PFKP: variants seen among roughly 807,000 people sequenced by gnomAD.
The protein encoded by PFKP is phosphofructokinase, platelet.
A neutral mutation model predicts 94.3 loss-of-function variants in PFKP; 101 were observed. The observed-to-expected ratio is 1.07, with a 90% CI of 0.91 to 1.26. The LOEUF (loss-of-function observed/expected upper bound fraction) is 1.26, where lower values mean the gene tolerates loss of function less well. Ranked by LOEUF, PFKP falls within the 50% of genes most tolerant of loss-of-function variation. The pLI, the probability that PFKP is intolerant of heterozygous loss-of-function variation, is 0.00. For synonymous variants in PFKP, 573 were observed against 432.6 expected (o/e 1.32, Z -4.03); for missense variants, 1,145 against 1,103.3 (o/e 1.04, Z -0.53).
chr10:3,083,891 C>T (rs1264159546), intron 2 of PFKP, among the ~76,000 whole-genome samples: 1 of 152,184 alleles, frequency 6.6e-6, no homozygotes, highest in Non-Finnish European at 1.5e-5. Context: ...GATCTGCCTG[C>T]CTTGGCCTCC....
At chr10:3,125,480 G>A (rs1033090233) in intron 16 of PFKP, among the ~76,000 whole-genome samples, 3 of 152,178 alleles carry the variant, frequency 2.0e-5, no homozygotes. Context: ...TTGGGATCGT[G>A]TTTCTATCCC....
rs746642921 is a variant in PFKP, at chr10:3,118,849, C to A, written c.1510C>A (p.Leu504Met). 1.2e-6 allele frequency: 2 copies of A among 1,613,076 alleles called. No individual in the cohort carries two copies. The highest frequency in any genetic ancestry group is 2.2e-5 in the South Asian group (2 of 90,916). The change falls in exon 15 of 22, where the codon CTG becomes ATG. Residue 504 changes from leucine (L) to methionine (M), a missense_variant. Physicochemically the swap from Leu to Met is conservative, Grantham distance 15. Around this residue, in one of 3 missense-constraint regions of PFKP, gnomAD observed 1,119 missense variants for 1,062.8 expected, o/e 1.05. Coordinates refer to ENST00000381125, the MANE Select transcript of PFKP (RefSeq NM_002627.5). ...GCGCACGCACAGCATCAACGCGCTGCTGATCATCGGTGGATTCGAGGTACG... is the reference window on the plus strand; with the variant it reads ...GCGCACGCACAGCATCAACGCGCTGATGATCATCGGTGGATTCGAGGTACG... Reference protein sequence around the residue: ...QMRTHSINALLIIGGFEAYLG... With the variant: ...QMRTHSINALMIIGGFEAYLG...
intron 16 of PFKP, 35 bp from the exon 17 acceptor site, chr10:3,129,784 T>C: frequency 1.2e-6 from 2 of 1,609,258 alleles, no homozygotes; most frequent in Non-Finnish European, 1.7e-6. Context: ...GCCCCGGGCC[T>C]GGGCTGGAGT....
At chr10:3,112,365 G>T in intron 11 of PFKP, 79 bp downstream of exon 11, 4 of 1,062,868 alleles carry the variant, frequency 3.8e-6, no homozygotes, top group Non-Finnish European at 1.5e-6. Flanking sequence ...GTGCTTAGGG[G>T]TTGTGCTTAT....
chr10:3,105,075 T>G (rs1425231212), intron 5 of PFKP, 40 bp from the exon 6 acceptor site: 1 of 1,604,046 alleles, frequency 6.2e-7, no homozygotes, highest in Non-Finnish European at 8.5e-7. Flanking sequence ...TTTCTCTGCT[T>G]TCTGAGCTGT....
intron 18 of PFKP, 72 bp downstream of exon 18, chr10:3,132,513 C>CTTGGGCTGGATGAT: frequency 2.7e-6 from 3 of 1,105,382 alleles, no homozygotes; most frequent in Non-Finnish European, 4.2e-6. Flanking sequence ...TAGTCTGTGA[C>CTTGGGCTGGATGAT]TTGGGCTGGA....
chr10:3,124,773 C>T (rs975880861), intron 16 of PFKP, among the ~76,000 whole-genome samples: 6 of 152,190 alleles, frequency 3.9e-5, no homozygotes, highest in Non-Finnish European at 5.9e-5. Flanking sequence ...CATGACACGC[C>T]GAGAGCTGAG....
chr10:3,122,887 G>A (rs1251295656), intron 16 of PFKP, among the ~76,000 whole-genome samples: 1 of 152,228 alleles, frequency 6.6e-6, no homozygotes, highest in East Asian at 1.9e-4. Flanking sequence ...TCTGGGGCTG[G>A]AGACAAGGGA....
intron 3 of PFKP, chr10:3,101,019 G>C: frequency 1.3e-6 from 2 of 1,595,666 alleles, no homozygotes; most frequent in Non-Finnish European, 1.7e-6. Flanking sequence ...GCTTGTCTTT[G>C]GTTCCACGTG....
intron 16 of PFKP, among the ~76,000 whole-genome samples, chr10:3,126,389 C>T (rs941269988): frequency 6.6e-6 from 1 of 152,200 alleles, no homozygotes; most frequent in African/African-American, 2.4e-5. Context: ...GCACTTGACC[C>T]CTGTTGGGTG....
intron 2 of PFKP, among the ~76,000 whole-genome samples, chr10:3,094,943 C>G (rs749271011): frequency 3.3e-5 from 5 of 152,184 alleles, no homozygotes; most frequent in Admixed American, 6.5e-5. Context: ...GATGCAGTAA[C>G]TATGTCTGCA....
chr10:3,098,698 G>T (rs376811622), intron 2 of PFKP, among the ~76,000 whole-genome samples: 4,383 of 124,960 alleles, frequency 0.035, 228 homozygotes, highest in African/African-American at 0.11. Flanking sequence ...AAAGGTAATT[G>T]TCCTTGGGCT....
chr10:3,133,337 G>T (rs958641757), intron 19 of PFKP, 23 bp downstream of exon 19: 3 of 1,439,036 alleles, frequency 2.1e-6, no homozygotes, highest in African/African-American at 1.4e-5. Context: ...CTGCATGAGG[G>T]GCCACAAAGC....
intron 2 of PFKP, among the ~76,000 whole-genome samples, chr10:3,099,070 A>AC (rs778374936): frequency 1.4e-4 from 22 of 152,208 alleles, no homozygotes; most frequent in Non-Finnish European, 2.8e-4. Context: ...GTCTAGGCAG[A>AC]CGTTCCCATT....
intron 16 of PFKP, among the ~76,000 whole-genome samples, chr10:3,128,753 C>T (rs1838230749): frequency 6.6e-6 from 1 of 152,222 alleles, no homozygotes; most frequent in Admixed American, 6.5e-5. Context: ...TCCTAGGATT[C>T]ACCTTTATCA....
intron 14 of PFKP, 54 bp from the exon 15 acceptor site, chr10:3,118,728 G>T (rs1243601653): frequency 7.4e-6 from 10 of 1,343,332 alleles, no homozygotes; most frequent in Non-Finnish European, 1.1e-5. Context: ...GGCGTCCTGC[G>T]GACCGCGTGG....
intron 2 of PFKP, among the ~76,000 whole-genome samples, chr10:3,096,084 G>C (rs533133619): frequency 6.6e-6 from 1 of 152,348 alleles, no homozygotes; most frequent in African/African-American, 2.4e-5. Flanking sequence ...AGAAGCAAGA[G>C]GATTCGTTAA....
intron 16 of PFKP, among the ~76,000 whole-genome samples, chr10:3,123,904 C>A (rs1837664714): frequency 6.6e-6 from 1 of 152,244 alleles, no homozygotes; most frequent in Non-Finnish European, 1.5e-5. Flanking sequence ...GAGGTGGAGG[C>A]TGTGCCATGG....
At chr10:3,109,851 G>A (rs1235145357) in intron 10 of PFKP, among the ~76,000 whole-genome samples, 3 of 152,000 alleles carry the variant, frequency 2.0e-5, no homozygotes, top group Admixed American at 6.5e-5. Flanking sequence ...AGAGATCCGT[G>A]GACAGACTGC....
Sources: gnomAD v4.1 joint callset for allele counts (sites outside exome capture counted in the v4.1 genomes callset) on GRCh38, gnomAD v4.1.1 for gene constraint, gnomAD v4.1.1 regional missense constraint, MANE v1.5 for transcripts, NCBI Gene and HGNC (gene_info 2026-07-23, HGNC 2026-07-21) for gene names.